Variants in HSPG2 observed in about 807,000 individuals in gnomAD.
The protein encoded by HSPG2 is basement membrane-specific heparan sulfate proteoglycan core protein.
A neutral mutation model predicts 526.6 loss-of-function variants in HSPG2; 278 were observed. The ratio of observed to expected loss-of-function variants is 0.53; its 90% CI spans 0.48 to 0.58. HSPG2 has a LOEUF of 0.58. Among genes scored for constraint, HSPG2 ranks in the 20% least tolerant of loss-of-function variants. The pLI is 0.00. For missense variants in HSPG2, 5,354 were observed against 6,099.5 expected, an observed-to-expected ratio of 0.88 and a Z score of 4.07; for synonymous variants, 2,465 against 2,555.4, an observed-to-expected ratio of 0.96 and a Z score of 1.07.
At chr1:21,930,876 GTTCA>G (rs1387368096) in intron 1 of HSPG2, among the ~76,000 whole-genome samples, 1 of 152,102 alleles carries the variant, frequency 6.6e-6, no homozygotes, top group Non-Finnish European at 1.5e-5. Context: ...TACATCATTT[GTTCA>G]TTCATTCATT....
Position 21,880,124 on chromosome 1 carries a change from C to T in HSPG2, c.2326G>A (p.Val776Met), listed in dbSNP as rs145476116. 3.2e-4 allele frequency: 515 copies of T among 1,614,106 alleles called. 3 individuals carry two copies. The African/African-American group carries it at 6.2e-3, about 19-fold the overall frequency. ...CNGHASSCDPVYGHCLNCQHN... is the reference protein window; with the variant it reads ...CNGHASSCDPMYGHCLNCQHN... ...CTACTCACCAGGCAGTGGCCATACACAGGGTCACAGGAGCTGGCATGGCCA... is the reference window on the plus strand; with the variant it reads ...CTACTCACCAGGCAGTGGCCATACATAGGGTCACAGGAGCTGGCATGGCCA... The change falls in exon 17 of 97, where the codon GTG becomes ATG. Residue 776 changes from valine (V) to methionine (M), a missense_variant. Val to Met is a conservative substitution (Grantham distance 21, BLOSUM62 1). Coordinates refer to ENST00000374695, the MANE Select transcript of HSPG2 (RefSeq NM_005529.7).
rs1035890506 is a variant in HSPG2 at position 21,874,080 on chromosome 1, G to C, written c.3657-69C>G. On this transcript the variant is annotated intron_variant, in intron 28 of 96. Transcript: ENST00000374695. ...TTCCTCTCCCCCGATCCTCCTTCAG[G>C]ACCAGGGGAGAGGGGAGGGGAAGAA... 5.2e-6 allele frequency: 7 copies of C among 1,354,366 alleles called. No homozygotes were observed. In the African/African-American group the frequency reaches 1.0e-4, roughly 20 times the overall value. 83.9% of individuals were successfully genotyped at this position (1,354,366 alleles called of 1,614,324 possible). A position where few individuals can be genotyped will look rare whatever the true frequency, so the allele number is the denominator to read the frequency against.
At position 21,879,066 on chromosome 1, in the gene HSPG2, A is replaced by G. The variant is rs766882699; in HGVS notation, c.2399T>C (p.Phe800Ser). The G allele has an allele frequency of 1.2e-6, 2 of 1,614,110 alleles. No individual in the cohort carries two copies. The highest frequency in any genetic ancestry group is 1.3e-5 in the African/African-American group (1 of 74,936). Residue 800 changes from phenylalanine to serine, a missense_variant, in exon 18 of 97, where the codon TTT becomes TCT. Coordinates refer to ENST00000374695, the MANE Select transcript of HSPG2 (RefSeq NM_005529.7). The part of the protein sequence containing the change: ...PQCNKCKAGF[F>S]GDAMKATATS... ...GGCCGTGGCCTTCATGGCGTCCCCAAAGAAGCCAGCCTTGCACTTGTTGCA... is the reference window on the plus strand; with the variant it reads ...GGCCGTGGCCTTCATGGCGTCCCCAGAGAAGCCAGCCTTGCACTTGTTGCA...
intron 1 of HSPG2, among the ~76,000 whole-genome samples, chr1:21,906,065 G>T (rs937229096): frequency 3.3e-5 from 5 of 152,198 alleles, no homozygotes; most frequent in African/African-American, 9.6e-5. Context: ...GGAGCCTGAG[G>T]CTCAGAGAGC....
chr1:21,892,591 C>A (rs889821932), intron 3 of HSPG2, among the ~76,000 whole-genome samples: 1 of 152,220 alleles, frequency 6.6e-6, no homozygotes, highest in East Asian at 1.9e-4. Context: ...AACCAGCCCC[C>A]GGGCTGGGTG....
At position 21,865,355 on chromosome 1, in the gene HSPG2, A is replaced by G; in HGVS notation, c.4325T>C (p.Ile1442Thr). Reference protein sequence around the residue: ...DPDVQITGNNIMLVASQPALQ... With the variant: ...DPDVQITGNNTMLVASQPALQ... ...CGCTGGCTGGGAGGCCACTAGCATG[A>G]TGTTGTTGCCCTGGAAAGACACCAG... Residue 1442 changes from isoleucine (I) to threonine (T), a missense_variant, in exon 35 of 97, where the codon ATC becomes ACC. Ile to Thr is a moderately conservative substitution (Grantham distance 89). Transcript: ENST00000374695. The surrounding 1 kb of genome is among the most constrained non-coding windows in gnomAD (Gnocchi z 5.4). 6.2e-7 allele frequency: 1 copy of G among 1,614,014 alleles called. No homozygotes were observed. The highest frequency in any genetic ancestry group is 2.2e-5 in the East Asian group (1 of 44,858).
rs376427132 is a variant in HSPG2, at chr1:21,864,464, C to T, written c.4627-251G>A. 2.6e-5 allele frequency among the ~76,000 whole-genome samples: 4 copies of T among 152,206 alleles called. No individual in the cohort carries two copies. The highest frequency in any genetic ancestry group is 7.2e-5 in the African/African-American group (3 of 41,458). ...AGTAATCTGTGTTTCTGAATTGGCT[C>T]CCTGTCTCTGGTGGGCCCCCTCAAG... On this transcript the variant is annotated intron_variant, in intron 36 of 96. Coordinates refer to ENST00000374695, the MANE Select transcript of HSPG2 (RefSeq NM_005529.7). This position sits in a 1 kb window ranked among gnomAD's most constrained non-coding sequence, Gnocchi z 4.8.
chr1:21,873,027 C>A lies in HSPG2; in HGVS notation c.3858G>T (p.Gln1286His). 6.2e-7 allele frequency: 1 copy of A among 1,608,644 alleles called. No homozygotes were observed. Among genetic ancestry groups the A allele is most frequent in the Non-Finnish European group, 8.5e-7 (1 of 1,179,908 alleles). Residue 1286 changes from glutamine to histidine, a missense_variant, in exon 31 of 97, where the codon CAG (glutamine) becomes CAT (histidine). Physicochemically the swap from Gln to His is conservative, Grantham distance 24. Coordinates refer to ENST00000374695, the MANE Select transcript of HSPG2 (RefSeq NM_005529.7). ...ACTGGCACTGACCAGCAGCATCACA[C>A]TGGCTGCTGACGCTGCCTTGGGGGT... ...NCDPQGSVSS[Q>H]CDAAGQCQCK...
At chr1:21,845,808 G>A (rs539605327) in intron 64 of HSPG2, among the ~76,000 whole-genome samples, 10 of 152,330 alleles carry the variant, frequency 6.6e-5, no homozygotes, top group Non-Finnish European at 1.3e-4. Flanking sequence ...GACAGTGACA[G>A]GTGGAAAGCT....
At position 21,848,576 on chromosome 1, in the gene HSPG2, G is replaced by T; in HGVS notation, c.7737+67C>A. The stretch of plus-strand genomic sequence containing the variant: ...ATGAGCACAGAGTGAGGTGCTGAGA[G>T]TCCCCCCTCTTCCCATTGGGGGCTG... On this transcript the variant is annotated intron_variant, in intron 59 of 96. Transcript: ENST00000374695. The surrounding 1 kb of genome is among the most constrained non-coding windows in gnomAD (Gnocchi z 4.9). The T allele has an allele frequency of 6.5e-7, 1 of 1,533,692 alleles. No individual in the cohort carries two copies.
intron 33 of HSPG2, chr1:21,869,720 G>A (rs529918850): frequency 5.1e-6 from 5 of 986,078 alleles, no homozygotes; most frequent in Admixed American, 6.1e-5. Flanking sequence ...CAGAAAGGAC[G>A]TCCGTGAGGC....
intron 25 of HSPG2, 62 bp downstream of exon 25, chr1:21,875,567 C>T (rs962780865): frequency 3.5e-5 from 43 of 1,243,556 alleles, no homozygotes; most frequent in Non-Finnish European, 4.6e-5. Context: ...TGCTGTACTG[C>T]ACCGCTTAGA....
chr1:21,899,252 G>A (rs1642959323), intron 1 of HSPG2, among the ~76,000 whole-genome samples: 1 of 152,186 alleles, frequency 6.6e-6, no homozygotes. Context: ...GGTTCCAGGA[G>A]CTCTGTATTT....
rs140928019 is a variant in HSPG2, at chr1:21,841,669, G to A, written c.9198C>T (p.Asn3066=). ...WKTRNQELED[N]VHISPNGSII... ...TGGAGCCATTGGGACTGATGTGGAC[G>A]TTGTCTGTGAGGTTGCATGGGGGAG... The change falls in exon 70 of 97, where the codon AAC becomes AAT. Residue 3066 remains asparagine (N), a synonymous_variant. Coordinates refer to ENST00000374695, the MANE Select transcript of HSPG2 (RefSeq NM_005529.7). The A allele has an allele frequency of 2.3e-5, 37 of 1,614,046 alleles. No individual in the cohort carries two copies. The highest frequency in any genetic ancestry group is 1.3e-4 in the East Asian group (6 of 44,890).
chr1:21,872,338 C>A lies in HSPG2; in HGVS notation c.4069G>T (p.Ala1357Ser). 1 of 1,582,220 alleles carries A rather than the reference C, an allele frequency of 6.3e-7. No homozygotes were observed. The highest frequency in any genetic ancestry group is 8.6e-7 in the Non-Finnish European group (1 of 1,163,740). Residue 1357 changes from alanine (A) to serine (S), a missense_variant, in exon 33 of 97, where the codon GCC becomes TCC. Physicochemically the swap from Ala to Ser is moderately conservative, Grantham distance 99. Coordinates refer to ENST00000374695, the MANE Select transcript of HSPG2 (RefSeq NM_005529.7). The surrounding 1 kb of genome is among the most constrained non-coding windows in gnomAD (Gnocchi z 5.5). Reference sequence around the variant, plus strand: ...CTGTTTCGCTGTGGGTTCACCAGGGCAAAGCCTTGGAAGTCCCCAGGGGCA... The same window carrying A: ...CTGTTTCGCTGTGGGTTCACCAGGGAAAAGCCTTGGAAGTCCCCAGGGGCA... ...HFAPGDFQGF[A>S]LVNPQRNSRL... is the part of the protein sequence containing the mutation.
chr1:21,931,396 C>T (rs1167719504), intron 1 of HSPG2, among the ~76,000 whole-genome samples: 3 of 152,222 alleles, frequency 2.0e-5, no homozygotes, highest in Non-Finnish European at 4.4e-5. Flanking sequence ...AGGCCAAGGC[C>T]CAGGCGGAAG....
intron 50 of HSPG2, 93 bp downstream of exon 50, chr1:21,854,100 C>A: frequency 7.4e-7 from 1 of 1,349,140 alleles, no homozygotes; most frequent in Non-Finnish European, 1.0e-6. Context: ...GCCTGGAATG[C>A]CCCCCTGTCC....
At chr1:21,826,031 C>T in intron 91 of HSPG2, among the ~76,000 whole-genome samples, 1 of 152,080 alleles carries the variant, frequency 6.6e-6, no homozygotes, top group East Asian at 1.9e-4. Context: ...GATCCACCCA[C>T]CTTGTCCTCC....
At chr1:21,844,845 G>A (rs1638296774) in intron 64 of HSPG2, among the ~76,000 whole-genome samples, 1 of 152,226 alleles carries the variant, frequency 6.6e-6, no homozygotes, top group South Asian at 2.1e-4. Context: ...GCTGGATCAT[G>A]TTTACTGCTT....
Sources: allele counts gnomAD v4.1 joint callset (sites outside exome capture counted in the v4.1 genomes callset), GRCh38; gene constraint gnomAD v4.1.1; non-coding constraint Gnocchi (gnomAD v3.1); transcripts MANE v1.5; gene names NCBI Gene and HGNC (gene_info 2026-07-23, HGNC 2026-07-21).